The following TRABD2B variants were observed in gnomAD, a reference collection of about 807,000 sequenced individuals.
The protein encoded by TRABD2B is TraB domain containing 2B.
In TRABD2B, 14 loss-of-function variants were observed where a neutral mutation model predicts 40.1. The ratio of observed to expected loss-of-function variants is 0.35; its 90% CI spans 0.23 to 0.55. TRABD2B has a LOEUF of 0.55. Ranked by LOEUF, TRABD2B falls within the 20% of genes least tolerant of loss-of-function variation. TRABD2B has a pLI of 0.90. For synonymous variants in TRABD2B, 263 were observed against 277.0 expected, an observed-to-expected ratio of 0.95 and a Z score of 0.50; for missense variants, 541 against 648.6, an observed-to-expected ratio of 0.83 and a Z score of 1.80.
chr1:47,886,793 A>G (rs1034191457), intron 2 of TRABD2B, among the ~76,000 whole-genome samples: 1 of 152,204 alleles, frequency 6.6e-6, no homozygotes, highest in Non-Finnish European at 1.5e-5. Context: ...TTAACTTCTA[A>G]ACAGTTTTTC....
chr1:47,987,734 C>T (rs998937360), intron 2 of TRABD2B, among the ~76,000 whole-genome samples: 14 of 152,346 alleles, frequency 9.2e-5, no homozygotes, highest in African/African-American at 3.4e-4. Context: ...TGAGCACATG[C>T]CCAGGGGTCC....
chr1:47,935,018 C>G (rs1197039633), intron 2 of TRABD2B, among the ~76,000 whole-genome samples: 1 of 152,176 alleles, frequency 6.6e-6, no homozygotes, highest in Non-Finnish European at 1.5e-5. Context: ...AAAATTCCTA[C>G]TCATGCCTCA....
intron 4 of TRABD2B, 69 bp downstream of exon 4, chr1:47,794,517 A>T: frequency 7.1e-7 from 1 of 1,415,808 alleles, no homozygotes; most frequent in Non-Finnish European, 9.2e-7. Context: ...GATGAAGTAG[A>T]GGTTAGGGGA....
intron 2 of TRABD2B, among the ~76,000 whole-genome samples, chr1:47,803,544 T>C (rs561139205): frequency 1.8e-4 from 27 of 152,136 alleles, no homozygotes; most frequent in Non-Finnish European, 3.5e-4. Context: ...CCAGCCAAGA[T>C]CAGCAGAGAC....
intron 2 of TRABD2B, among the ~76,000 whole-genome samples, chr1:47,939,120 A>G (rs555884135): frequency 3.6e-4 from 55 of 152,162 alleles, no homozygotes; most frequent in Admixed American, 1.3e-3. Context: ...GGAGCCTTGA[A>G]TTCCTAATGC....
At chr1:47,945,815 GA>G (rs1645253141) in intron 2 of TRABD2B, among the ~76,000 whole-genome samples, 1 of 152,162 alleles carries the variant, frequency 6.6e-6, no homozygotes, top group Non-Finnish European at 1.5e-5. Context: ...CCAGTTTAGG[GA>G]TATTTGGGTT....
At chr1:47,987,957 A>G (rs1321689181) in intron 2 of TRABD2B, among the ~76,000 whole-genome samples, 1 of 152,172 alleles carries the variant, frequency 6.6e-6, no homozygotes, top group Non-Finnish European at 1.5e-5. Flanking sequence ...CTCTCCCTCC[A>G]TGGTTGACTT....
At chr1:47,854,215 TA>T (rs1332270568) in intron 2 of TRABD2B, among the ~76,000 whole-genome samples, 1 of 152,184 alleles carries the variant, frequency 6.6e-6, no homozygotes, top group Non-Finnish European at 1.5e-5. Context: ...GTCAGATTCT[TA>T]GCACAATGCC....
chr1:47,782,927 C>T (rs2124127273), intron 4 of TRABD2B, among the ~76,000 whole-genome samples: 1 of 152,344 alleles, frequency 6.6e-6, no homozygotes, highest in East Asian at 1.9e-4. Flanking sequence ...CAGCCCCTTC[C>T]AACACTGACA....
intron 3 of TRABD2B, among the ~76,000 whole-genome samples, chr1:47,800,720 A>C (rs1250615728): frequency 6.6e-6 from 1 of 152,212 alleles, no homozygotes; most frequent in Non-Finnish European, 1.5e-5. Context: ...GCCTGACCCT[A>C]TCCAGGGGCT....
chr1:47,912,140 C>T (rs1174378035), intron 2 of TRABD2B, among the ~76,000 whole-genome samples: 1 of 152,204 alleles, frequency 6.6e-6, no homozygotes, highest in Admixed American at 6.5e-5. Flanking sequence ...ACAAACTTCC[C>T]TGAATGACTG....
chr1:47,887,874 G>A lies in TRABD2B; in HGVS notation c.667-86255C>T, dbSNP rs564672407. Among the ~76,000 whole-genome samples, 16 of 152,242 alleles carry A rather than the reference G, an allele frequency of 1.1e-4. 1 individual carries two copies. In the South Asian group the frequency reaches 3.3e-3, roughly 32 times the overall value. On this transcript the variant is annotated intron_variant, in intron 2 of 6. Coordinates refer to ENST00000606738, the MANE Select transcript of TRABD2B (RefSeq NM_001194986.2). ...CCCTGACAGCTTCCTCTCTCATTAG[G>A]ATCTCTCTGACAACCCTGAGGATTT...
At chr1:47,910,832 C>T (rs1351110612) in intron 2 of TRABD2B, among the ~76,000 whole-genome samples, 1 of 152,210 alleles carries the variant, frequency 6.6e-6, no homozygotes, top group Non-Finnish European at 1.5e-5. Flanking sequence ...TTCATCTGGG[C>T]ACATGGCCAC....
chr1:47,852,841 C>G (rs540070321), intron 2 of TRABD2B, among the ~76,000 whole-genome samples: 1 of 152,194 alleles, frequency 6.6e-6, no homozygotes, highest in Non-Finnish European at 1.5e-5. Flanking sequence ...TAATACCTGC[C>G]CCAAAGTTGA....
chr1:47,924,739 C>T (rs541539680), intron 2 of TRABD2B, among the ~76,000 whole-genome samples: 6 of 152,170 alleles, frequency 3.9e-5, no homozygotes, highest in Non-Finnish European at 5.9e-5. Flanking sequence ...AAACCTCTTC[C>T]CACCACTCTG....
chr1:47,900,154 G>A (rs1196557003), intron 2 of TRABD2B, among the ~76,000 whole-genome samples: 2 of 152,108 alleles, frequency 1.3e-5, no homozygotes, highest in African/African-American at 4.8e-5. Flanking sequence ...CTGCCAGACT[G>A]AGGGGGTGTG....
intron 2 of TRABD2B, among the ~76,000 whole-genome samples, chr1:47,826,631 T>C (rs925628511): frequency 6.6e-6 from 1 of 152,108 alleles, no homozygotes; most frequent in Non-Finnish European, 1.5e-5. Flanking sequence ...TGGAGTGCAC[T>C]GGCGTGATCA....
intron 2 of TRABD2B, among the ~76,000 whole-genome samples, chr1:47,896,199 G>C (rs1050099420): frequency 6.6e-6 from 1 of 152,238 alleles, no homozygotes; most frequent in Admixed American, 6.5e-5. Context: ...CCTCACGTCA[G>C]GGCTGCCGCA....
intron 5 of TRABD2B, among the ~76,000 whole-genome samples, chr1:47,775,789 G>A (rs931673672): frequency 1.3e-5 from 2 of 152,162 alleles, no homozygotes; most frequent in African/African-American, 4.8e-5. Flanking sequence ...GATGCCAGAC[G>A]CTGCTAACTG....
Sources: gnomAD v4.1 joint callset for allele counts (sites outside exome capture counted in the v4.1 genomes callset) on GRCh38, gnomAD v4.1.1 for gene constraint, MANE v1.5 for transcripts, NCBI Gene and HGNC (gene_info 2026-07-23, HGNC 2026-07-21) for gene names.